SGK3: variants seen among roughly 807,000 people sequenced by gnomAD.
SGK3 encodes the protein serum/glucocorticoid regulated kinase family member 3.
SGK3 carries 47 observed loss-of-function variants against 68.5 expected under a neutral mutation model. That is an observed-to-expected ratio of 0.69 (90% CI 0.54 to 0.87). The LOEUF (loss-of-function observed/expected upper bound fraction) is 0.87. Ranked by LOEUF, SGK3 falls within the 40% of genes least tolerant of loss-of-function variation. The pLI, the probability that SGK3 is intolerant of heterozygous loss-of-function variation, is 0.00. For missense variants in SGK3, 479 were observed against 575.5 expected (o/e 0.83, Z 1.72); for synonymous variants, 181 against 189.1 (o/e 0.96, Z 0.35).
Position 66,808,661 on chromosome 8 carries a change from C to T in SGK3, c.253+4214C>T, listed in dbSNP as rs142828184. ...CATGAGTAGCTGGGATTATAGGATGCGCCACCACACCTGGTTAATTTTGTA... is the reference window on the plus strand; with the variant it reads ...CATGAGTAGCTGGGATTATAGGATGTGCCACCACACCTGGTTAATTTTGTA... On this transcript the variant is annotated intron_variant, in intron 4 of 16. Transcript: ENST00000521198. 1.6e-4 allele frequency among the ~76,000 whole-genome samples: 24 copies of T among 150,612 alleles called. No individual in the cohort carries two copies. In the East Asian group the frequency reaches 4.4e-3, roughly 27 times the overall value.
chr8:66,747,733 T>A (rs1349517499), intron 1 of SGK3, among the ~76,000 whole-genome samples: 2 of 152,170 alleles, frequency 1.3e-5, no homozygotes, highest in Admixed American at 6.5e-5. Flanking sequence ...AATTTTTAAT[T>A]TTTTTGTAGA....
At chr8:66,784,093 C>T (rs191933096) in intron 1 of SGK3, among the ~76,000 whole-genome samples, 8 of 151,798 alleles carry the variant, frequency 5.3e-5, no homozygotes, top group Admixed American at 2.6e-4. Flanking sequence ...TGGAGACAGG[C>T]TCTCACTATA....
intron 14 of SGK3, among the ~76,000 whole-genome samples, chr8:66,846,259 T>C (rs1810009242): frequency 6.6e-6 from 1 of 152,196 alleles, no homozygotes. Context: ...GATAATCTTC[T>C]TTCCTCTTAT....
intron 4 of SGK3, among the ~76,000 whole-genome samples, chr8:66,813,068 A>G (rs181198139): frequency 1.6e-3 from 248 of 152,226 alleles, no homozygotes; most frequent in African/African-American, 5.6e-3. Context: ...AGCCTGGGCA[A>G]CATAGTGAGA....
chr8:66,821,517 AT>A (rs773961768), intron 5 of SGK3, among the ~76,000 whole-genome samples: 155 of 143,878 alleles, frequency 1.1e-3, no homozygotes, highest in Admixed American at 1.1e-3. Flanking sequence ...CCTGCACATA[AT>A]TTTTTTTTTT....
rs182699212 is a variant in SGK3 at position 66,713,524 on chromosome 8, T to G, written c.-122+691T>G. ...GTCCTGCACCAGAGACTACTTAGTG[T>G]GCACTTGGGTGCAAAATAAATACAG... On this transcript the variant is annotated intron_variant, in intron 1 of 16. Transcript: ENST00000521198. Among the ~76,000 whole-genome samples the G allele has an allele frequency of 3.3e-5, 5 of 152,366 alleles. No homozygotes were observed. In the East Asian group the frequency reaches 9.6e-4, roughly 29 times the overall value.
chr8:66,828,813 AT>A, intron 7 of SGK3, 110 bp downstream of exon 7: 1 of 1,368,914 alleles, frequency 7.3e-7, no homozygotes, highest in African/African-American at 1.4e-5. Flanking sequence ...CCTTTGAAAT[AT>A]AACCATAGTT....
At chr8:66,775,505 CCT>C (rs1806668391) in intron 1 of SGK3, 1 of 152,348 alleles carries the variant, frequency 6.6e-6, no homozygotes, top group South Asian at 2.1e-4. Context: ...CCTGTGAACC[CCT>C]GAGAGGAGAG....
chr8:66,820,959 G>A (rs1019828825), intron 5 of SGK3, among the ~76,000 whole-genome samples: 1 of 152,068 alleles, frequency 6.6e-6, no homozygotes, highest in African/African-American at 2.4e-5. Flanking sequence ...TTCCGCTTCA[G>A]CCTCACAGAG....
chr8:66,778,918 G>A lies in SGK3; in HGVS notation c.-121-14698G>A, dbSNP rs1247620664. On this transcript the variant is annotated intron_variant, in intron 1 of 16. Coordinates refer to ENST00000521198, the MANE Select transcript of SGK3 (RefSeq NM_001033578.3). ...TATCTGCAGCTTAGGATTTTGTGGA[G>A]TATTATTCCTAAAATATATTTTGTT... Among the ~76,000 whole-genome samples, 4 of 152,156 alleles carry A rather than the reference G, an allele frequency of 2.6e-5. No individual in the cohort carries two copies. In the South Asian group the frequency reaches 8.3e-4, roughly 32 times the overall value.
At chr8:66,724,435 G>C (rs1041008709) in intron 1 of SGK3, among the ~76,000 whole-genome samples, 4 of 152,190 alleles carry the variant, frequency 2.6e-5, no homozygotes, top group Non-Finnish European at 5.9e-5. Flanking sequence ...AATTAGCCAG[G>C]TGTGGTGGCG....
chr8:66,755,336 A>G (rs1452056794), intron 1 of SGK3, among the ~76,000 whole-genome samples: 1 of 151,822 alleles, frequency 6.6e-6, no homozygotes, highest in African/African-American at 2.4e-5. Flanking sequence ...CTGTGTTTTG[A>G]TTAAAAGATT....
intron 1 of SGK3, among the ~76,000 whole-genome samples, chr8:66,723,089 T>TTA (rs1804843855): frequency 7.0e-5 from 4 of 57,502 alleles, no homozygotes; most frequent in Admixed American, 2.4e-4. Context: ...AAGATTTTGT[T>TTA]CATATATATA....
chr8:66,796,263 A>G (rs528316088), intron 2 of SGK3, among the ~76,000 whole-genome samples: 2 of 149,604 alleles, frequency 1.3e-5, no homozygotes, highest in East Asian at 2.0e-4. Context: ...CAGCCTCCCA[A>G]GTAGCTGGGA....
At chr8:66,836,635 T>TA (rs113257283) in intron 10 of SGK3, among the ~76,000 whole-genome samples, 1,923 of 137,762 alleles carry the variant, frequency 0.014, 37 homozygotes, top group African/African-American at 0.044. Flanking sequence ...CCCATCTCTT[T>TA]AAAAAAAAAA....
At chr8:66,762,676 A>T (rs967524337) in intron 1 of SGK3, among the ~76,000 whole-genome samples, 1 of 152,184 alleles carries the variant, frequency 6.6e-6, no homozygotes, top group African/African-American at 2.4e-5. Flanking sequence ...TCTAATCAAG[A>T]TCTAAATAAG....
At chr8:66,752,779 A>T (rs1179181329) in intron 1 of SGK3, among the ~76,000 whole-genome samples, 1 of 152,132 alleles carries the variant, frequency 6.6e-6, no homozygotes, top group Non-Finnish European at 1.5e-5. Flanking sequence ...TTTCGGCGAG[A>T]CAAGGACATT....
Position 66,859,734 on chromosome 8 carries a change from C to A in SGK3, c.*153C>A. ...GAAAAAATGTATTTTCTTCTATGTG[C>A]AAGAAAAATAGGGCATTTCAAAGAG... On this transcript the variant is annotated 3_prime_UTR_variant, in exon 17 of 17. Transcript: ENST00000521198. The A allele has an allele frequency of 1.1e-6, 1 of 885,930 alleles. No homozygotes were observed. The highest frequency in any genetic ancestry group is 1.5e-6 in the Non-Finnish European group (1 of 654,374). 54.9% of individuals were successfully genotyped at this position (885,930 alleles called of 1,614,324 possible). A position where few individuals can be genotyped will look rare whatever the true frequency, so the allele number is the denominator to read the frequency against.
intron 1 of SGK3, among the ~76,000 whole-genome samples, chr8:66,764,896 C>T (rs905122373): frequency 1.3e-5 from 2 of 152,162 alleles, no homozygotes; most frequent in African/African-American, 4.8e-5. Context: ...GTACTTCATT[C>T]CTTTTTATGG....
Sources: allele counts gnomAD v4.1 joint callset (sites outside exome capture counted in the v4.1 genomes callset), GRCh38; gene constraint gnomAD v4.1.1; transcripts MANE v1.5; gene names NCBI Gene and HGNC (gene_info 2026-07-23, HGNC 2026-07-21).